The following ATP5MC3 variants were observed in gnomAD, a reference collection of about 807,000 sequenced individuals.
ATP5MC3 encodes the protein ATP synthase F(0) complex subunit C3, mitochondrial.
A neutral mutation model predicts 15.6 loss-of-function variants in ATP5MC3; 6 were observed. The ratio of observed to expected loss-of-function variants is 0.38; its 90% CI spans 0.21 to 0.76. ATP5MC3 has a LOEUF of 0.76. Ranked by LOEUF, ATP5MC3 falls within the 30% of genes least tolerant of loss-of-function variation. The pLI is 0.44. For synonymous variants in ATP5MC3, 66 were observed against 63.3 expected (o/e 1.04, Z -0.20); for missense variants, 132 against 171.2 (o/e 0.77, Z 1.28).
rs1055896799 is a variant in ATP5MC3 at position 175,178,528 on chromosome 2, G to C, written c.315-126C>G. On this transcript the variant is annotated intron_variant, in intron 4 of 4. Transcript: ENST00000284727. ...TGAAAAGTCTGCTGGAAGAGTATTT[G>C]CCTAGATCTCTCTTACACTATTCTC... is the stretch of plus-strand genomic sequence containing the variant. The C allele has an allele frequency of 2.7e-5, 39 of 1,436,814 alleles. No homozygotes were observed. The African/African-American group carries it at 5.3e-4, about 20-fold the overall frequency. 89.0% of individuals were successfully genotyped at this position (1,436,814 alleles called of 1,614,324 possible).
rs1449327485 is a variant in ATP5MC3 at position 175,176,946 on chromosome 2, G to A, written c.*1342C>T. 1 of 152,088 alleles carries A rather than the reference G, an allele frequency of 6.6e-6. No homozygotes were observed. Among genetic ancestry groups the A allele is most frequent in the Non-Finnish European group, 1.5e-5 (1 of 67,992 alleles). 9.4% of individuals were successfully genotyped at this position (152,088 alleles called of 1,614,324 possible). Reference sequence around the variant, plus strand: ...TGCTTCTATGAATACTTGTATACAGGTTTTTGTTTGAATACCTATTTCCAA... The same window carrying A: ...TGCTTCTATGAATACTTGTATACAGATTTTTGTTTGAATACCTATTTCCAA... On this transcript the variant is annotated 3_prime_UTR_variant, in exon 5 of 5. Coordinates refer to ENST00000284727, the MANE Select transcript of ATP5MC3 (RefSeq NM_001689.5).
chr2:175,180,614 C>G (rs1351805167), intron 2 of ATP5MC3, among the ~76,000 whole-genome samples: 2 of 152,070 alleles, frequency 1.3e-5, no homozygotes, highest in Admixed American at 1.3e-4. Flanking sequence ...TTCTATATGA[C>G]CATTAATCAT....
At chr2:175,181,302 C>G in intron 2 of ATP5MC3, 53 bp downstream of exon 2, 5 of 1,594,848 alleles carry the variant, frequency 3.1e-6, no homozygotes, top group East Asian at 2.3e-5. Context: ...CGTGGACGCT[C>G]TAGGCCAAAA....
rs1700720353 is a variant in ATP5MC3, at chr2:175,178,417, A to AT, written c.315-16dup. 6.3e-7 allele frequency: 1 copy of AT among 1,580,832 alleles called. No homozygotes were observed. The highest frequency in any genetic ancestry group is 8.5e-7 in the Non-Finnish European group (1 of 1,170,764). On this transcript the variant is annotated splice_polypyrimidine_tract_variant and intron_variant, in intron 4 of 4. Coordinates refer to ENST00000284727, the MANE Select transcript of ATP5MC3 (RefSeq NM_001689.5). ...GCGAAGGGTTTCTAAAAGAGACCAC[A>AT]TATGACTGTTACTTTGAAATATTAA...
chr2:175,176,537 T>C lies in ATP5MC3; in HGVS notation c.*1751A>G, dbSNP rs1435127358. 1 of 152,174 alleles carries C rather than the reference T, an allele frequency of 6.6e-6. No individual in the cohort carries two copies. Among genetic ancestry groups the C allele is most frequent in the Non-Finnish European group, 1.5e-5 (1 of 68,020 alleles). The allele number at this position is 152,174 out of a possible 1,614,324, so 9.4% of individuals were successfully genotyped here. The stretch of plus-strand genomic sequence containing the variant: ...TAGCAGTGAGGGGCTATATACCAAC[T>C]TTAATGACACTAATGTTAATAAGTT... On this transcript the variant is annotated 3_prime_UTR_variant, in exon 5 of 5. Coordinates refer to ENST00000284727, the MANE Select transcript of ATP5MC3 (RefSeq NM_001689.5).
chr2:175,178,813 A>G, intron 4 of ATP5MC3: 2 of 1,123,478 alleles, frequency 1.8e-6, no homozygotes, highest in South Asian at 3.3e-5. Context: ...TCATTTTCTG[A>G]CATTTACTAG....
chr2:175,178,034 A>T lies in ATP5MC3; in HGVS notation c.*254T>A. Reference sequence around the variant, plus strand: ...TAAAAATTACATTGGAATATTTTTCATCAGTGGAGCAACTGCTGTAGCTTC... The same window carrying T: ...TAAAAATTACATTGGAATATTTTTCTTCAGTGGAGCAACTGCTGTAGCTTC... On this transcript the variant is annotated 3_prime_UTR_variant, in exon 5 of 5. Coordinates refer to ENST00000284727, the MANE Select transcript of ATP5MC3 (RefSeq NM_001689.5). 2.6e-6 allele frequency: 1 copy of T among 381,832 alleles called. No individual in the cohort carries two copies. Among genetic ancestry groups the T allele is most frequent in the Non-Finnish European group, 4.2e-6 (1 of 236,116 alleles). The allele number at this position is 381,832 out of a possible 1,614,324, so 23.7% of individuals were successfully genotyped here. A position where few individuals can be genotyped will look rare whatever the true frequency, so the allele number is the denominator to read the frequency against.
chr2:175,179,311 A>C, intron 3 of ATP5MC3, 61 bp from the exon 4 acceptor site: 1 of 1,519,052 alleles, frequency 6.6e-7, no homozygotes, highest in South Asian at 1.3e-5. Flanking sequence ...TATTTTAATT[A>C]AATACCATAT....
Position 175,178,117 on chromosome 2 carries a change from T to G in ATP5MC3, c.*171A>C. 7.8e-7 allele frequency: 1 copy of G among 1,282,376 alleles called. No individual in the cohort carries two copies. Among genetic ancestry groups the G allele is most frequent in the Non-Finnish European group, 1.0e-6 (1 of 979,964 alleles). 79.4% of individuals were successfully genotyped at this position (1,282,376 alleles called of 1,614,324 possible). ...GTTCTTCTTTGTGATAATCTAAACT[T>G]AGTGTAAGTACAAATCACAGAAGAA... On this transcript the variant is annotated 3_prime_UTR_variant, in exon 5 of 5. Transcript: ENST00000284727.
At chr2:175,179,903 A>T in intron 3 of ATP5MC3, 195 bp downstream of exon 3, 1 of 523,574 alleles carries the variant, frequency 1.9e-6, no homozygotes, top group Non-Finnish European at 3.3e-6. Context: ...CAAGTTTTGG[A>T]TAGAGAAATT....
At chr2:175,179,892 C>T (rs1700743398) in intron 3 of ATP5MC3, 1 of 506,348 alleles carries the variant, frequency 2.0e-6, no homozygotes, top group Non-Finnish European at 3.4e-6. Context: ...AAATACTTGG[C>T]CAAGTTTTGG....
chr2:175,177,407 A>G lies in ATP5MC3; in HGVS notation c.*881T>C, dbSNP rs1460176702. On this transcript the variant is annotated 3_prime_UTR_variant, in exon 5 of 5. Transcript: ENST00000284727. ...GTACAATATATTTGCTAGGGGAAAA[A>G]CTGTCTATAGTAGCACCATCTTCTT... 3.3e-5 allele frequency: 5 copies of G among 152,158 alleles called. No homozygotes were observed. Among genetic ancestry groups the G allele is most frequent in the Non-Finnish European group, 7.4e-5 (5 of 67,994 alleles). The allele number at this position is 152,158 out of a possible 1,614,324, so 9.4% of individuals were successfully genotyped here. A position where few individuals can be genotyped will look rare whatever the true frequency, so the allele number is the denominator to read the frequency against.
At position 175,176,446 on chromosome 2, in the gene ATP5MC3, A is replaced by G. The variant is rs576260526; in HGVS notation, c.*1842T>C. The G allele has an allele frequency of 5.9e-5, 9 of 152,316 alleles. No individual in the cohort carries two copies. The highest frequency in any genetic ancestry group is 2.2e-4 in the African/African-American group (9 of 41,570). The allele number at this position is 152,316 out of a possible 1,614,324, so 9.4% of individuals were successfully genotyped here. A position where few individuals can be genotyped will look rare whatever the true frequency, so the allele number is the denominator to read the frequency against. On this transcript the variant is annotated 3_prime_UTR_variant, in exon 5 of 5. Transcript: ENST00000284727. ...ATTCAGTGACATTTATTATATTTAC[A>G]ATGTTGTGCAACCATCACCACTAAT...
chr2:175,177,603 A>G lies in ATP5MC3; in HGVS notation c.*685T>C, dbSNP rs919970342. On this transcript the variant is annotated 3_prime_UTR_variant, in exon 5 of 5. Transcript: ENST00000284727. ...AAAATCTAGCCAATTCAGTTTTTTG[A>G]TATTTGGTTTTTAATAGTCTTGTTC... is the stretch of plus-strand genomic sequence containing the variant. 1 of 151,606 alleles carries G rather than the reference A, an allele frequency of 6.6e-6. No homozygotes were observed. The highest frequency in any genetic ancestry group is 1.9e-4 in the East Asian group (1 of 5,138). The allele number at this position is 151,606 out of a possible 1,614,324, so 9.4% of individuals were successfully genotyped here.
chr2:175,181,689 C>G lies in ATP5MC3; in HGVS notation c.-107G>C, dbSNP rs1236794630. Reference sequence around the variant, plus strand: ...GAGGCGGCGGCGGCACGGGCTGCGGCAGAGGTCGAAGGAGTGGGACTCAAT... The same window carrying G: ...GAGGCGGCGGCGGCACGGGCTGCGGGAGAGGTCGAAGGAGTGGGACTCAAT... On this transcript the variant is annotated 5_prime_UTR_variant, in exon 1 of 5. Transcript: ENST00000284727. 3 of 446,246 alleles carry G rather than the reference C, an allele frequency of 6.7e-6. No homozygotes were observed. Among genetic ancestry groups the G allele is most frequent in the Admixed American group, 4.2e-5 (1 of 23,772 alleles). 27.6% of individuals were successfully genotyped at this position (446,246 alleles called of 1,614,324 possible).
chr2:175,179,625 A>T (rs1228459396), intron 3 of ATP5MC3: 1 of 200,568 alleles, frequency 5.0e-6, no homozygotes, highest in Non-Finnish European at 9.9e-6. Flanking sequence ...TCCCCACCTC[A>T]GCCTCCTGAG....
At position 175,176,554 on chromosome 2, in the gene ATP5MC3, T is replaced by C. The variant is rs1700685176; in HGVS notation, c.*1734A>G. The C allele has an allele frequency of 6.6e-6, 1 of 152,156 alleles. No homozygotes were observed. Among genetic ancestry groups the C allele is most frequent in the South Asian group, 2.1e-4 (1 of 4,834 alleles). The allele number at this position is 152,156 out of a possible 1,614,324, so 9.4% of individuals were successfully genotyped here. On this transcript the variant is annotated 3_prime_UTR_variant, in exon 5 of 5. Transcript: ENST00000284727. Reference sequence around the variant, plus strand: ...ATACCAACTTTAATGACACTAATGTTAATAAGTTCTGATAACCCACTACCA... The same window carrying C: ...ATACCAACTTTAATGACACTAATGTCAATAAGTTCTGATAACCCACTACCA...
chr2:175,180,685 G>T (rs1194181312), intron 2 of ATP5MC3, among the ~76,000 whole-genome samples: 3 of 152,204 alleles, frequency 2.0e-5, no homozygotes, highest in Admixed American at 6.5e-5. Flanking sequence ...AATAATCTGT[G>T]AAATATCTGA....
At position 175,181,684 on chromosome 2, in the gene ATP5MC3, T is replaced by A. The variant is rs538198348; in HGVS notation, c.-102A>T. On this transcript the variant is annotated 5_prime_UTR_variant, in exon 1 of 5. Coordinates refer to ENST00000284727, the MANE Select transcript of ATP5MC3 (RefSeq NM_001689.5). ...CCCAGGAGGCGGCGGCGGCACGGGCTGCGGCAGAGGTCGAAGGAGTGGGAC... is the reference window on the plus strand; with the variant it reads ...CCCAGGAGGCGGCGGCGGCACGGGCAGCGGCAGAGGTCGAAGGAGTGGGAC... The A allele has an allele frequency of 4.2e-6, 2 of 476,430 alleles. No homozygotes were observed. The highest frequency in any genetic ancestry group is 4.0e-5 in the Admixed American group (1 of 24,824). 29.5% of individuals were successfully genotyped at this position (476,430 alleles called of 1,614,324 possible). A position where few individuals can be genotyped will look rare whatever the true frequency, so the allele number is the denominator to read the frequency against.
Sources: gnomAD v4.1 joint callset for allele counts (sites outside exome capture counted in the v4.1 genomes callset) on GRCh38, gnomAD v4.1.1 for gene constraint, MANE v1.5 for transcripts, NCBI Gene and HGNC (gene_info 2026-07-23, HGNC 2026-07-21) for gene names.